The following COP1 variants were observed in gnomAD, a reference collection of about 807,000 sequenced individuals.
COP1 encodes COP1 E3 ubiquitin ligase.
A neutral mutation model predicts 101.3 loss-of-function variants in COP1; 24 were observed. That is an observed-to-expected ratio of 0.24 (90% confidence interval 0.17 to 0.33). COP1 has a LOEUF of 0.33. COP1 is among the 10% of genes least tolerant of loss of function. The pLI, the probability that COP1 is intolerant of heterozygous loss-of-function variation, is 1.00. For synonymous variants in COP1, 347 were observed against 341.9 expected, an observed-to-expected ratio of 1.01 and a Z score of -0.17; for missense variants, 663 against 906.2, an observed-to-expected ratio of 0.73 and a Z score of 3.45.
intron 5 of COP1, 47 bp downstream of exon 5, chr1:176,162,822 A>G (rs780968575): frequency 3.9e-6 from 6 of 1,529,174 alleles, no homozygotes; most frequent in African/African-American, 1.4e-5. Flanking sequence ...TTTTATTGCA[A>G]TAAAGTTCAT....
At chr1:175,968,211 G>A (rs1388339622) in intron 18 of COP1, among the ~76,000 whole-genome samples, 1 of 152,178 alleles carries the variant, frequency 6.6e-6, no homozygotes, top group Non-Finnish European at 1.5e-5. Flanking sequence ...CTTCCTGGTT[G>A]TAGGTTCCTT....
intron 11 of COP1, among the ~76,000 whole-genome samples, chr1:176,061,297 G>A: frequency 6.6e-6 from 1 of 152,234 alleles, no homozygotes; most frequent in Non-Finnish European, 1.5e-5. Context: ...ATCAAATGAT[G>A]CTAGGAACAA....
At position 176,081,512 on chromosome 1, in the gene COP1, C is replaced by T. The variant is rs541433121; in HGVS notation, c.1142-225G>A. 6.6e-4 allele frequency among the ~76,000 whole-genome samples: 101 copies of T among 151,914 alleles called. 3 individuals carry two copies. Among genetic ancestry groups the T allele is most frequent in the African/African-American group, 2.4e-3 (100 of 41,462 alleles). ...TGTCTCTTTCCACTGTGAATTCTCA[C>T]TTTTTTGGCAATAATTCCTTGGAAA... On this transcript the variant is annotated intron_variant, in intron 10 of 19. Transcript: ENST00000367669.
intron 9 of COP1, 109 bp from the exon 10 acceptor site, chr1:176,085,999 G>A: frequency 1.9e-6 from 1 of 531,046 alleles, no homozygotes. Context: ...ACAGTAAAAT[G>A]ATCACAAATA....
intron 3 of COP1, among the ~76,000 whole-genome samples, chr1:176,166,126 T>A (rs184913245): frequency 5.3e-5 from 8 of 150,164 alleles, no homozygotes; most frequent in Non-Finnish European, 8.8e-5. Context: ...TATTTATTTA[T>A]TTTATTTATT....
chr1:175,951,581 T>A (rs73035644), intron 18 of COP1, among the ~76,000 whole-genome samples: 8,042 of 151,712 alleles, frequency 0.053, 466 homozygotes, highest in South Asian at 0.14. Context: ...AGTACAGGAC[T>A]GTGATCTTTG....
chr1:175,953,764 TA>T (rs58137281), intron 18 of COP1, among the ~76,000 whole-genome samples: 41,685 of 125,018 alleles, frequency 0.33, 6,259 homozygotes, highest in East Asian at 0.53. Flanking sequence ...GGTCAACTTA[TA>T]AAAAAAAAAA....
intron 3 of COP1, among the ~76,000 whole-genome samples, 164 bp from the exon 4 acceptor site, chr1:176,164,055 A>AT (rs1160258435): frequency 1.3e-5 from 2 of 152,228 alleles, no homozygotes; most frequent in Non-Finnish European, 2.9e-5. Context: ...TCAAGTTAGA[A>AT]AACAGTTTTG....
chr1:176,002,459 C>T (rs1455552037), intron 15 of COP1, among the ~76,000 whole-genome samples: 1 of 151,654 alleles, frequency 6.6e-6, no homozygotes. Flanking sequence ...CACCCACTAA[C>T]TCGTCACCTA....
chr1:175,985,235 C>T (rs947344464), intron 18 of COP1, among the ~76,000 whole-genome samples: 3 of 152,166 alleles, frequency 2.0e-5, no homozygotes, highest in Non-Finnish European at 4.4e-5. Flanking sequence ...TTTAGAGCTG[C>T]TGTGACTGTT....
chr1:176,028,248 T>G (rs1668018163), intron 14 of COP1, among the ~76,000 whole-genome samples: 1 of 151,968 alleles, frequency 6.6e-6, no homozygotes, highest in Non-Finnish European at 1.5e-5. Context: ...CCAAGAGAGC[T>G]TAGTTTCAAT....
chr1:175,992,606 G>A (rs917339251), intron 15 of COP1, among the ~76,000 whole-genome samples: 13 of 152,226 alleles, frequency 8.5e-5, no homozygotes, highest in Non-Finnish European at 1.9e-4. Flanking sequence ...CCCGCACCTG[G>A]CTCGGAGGGT....
chr1:176,054,309 G>A (rs185429002), intron 11 of COP1, among the ~76,000 whole-genome samples: 1 of 151,836 alleles, frequency 6.6e-6, no homozygotes, highest in African/African-American at 2.4e-5. Flanking sequence ...TTACAGGCGT[G>A]CACCACCATG....
intron 15 of COP1, among the ~76,000 whole-genome samples, chr1:176,020,329 A>C (rs1024132803): frequency 4.6e-5 from 7 of 151,704 alleles, no homozygotes; most frequent in Non-Finnish European, 7.4e-5. Flanking sequence ...AAAAAAAAAA[A>C]AACCTTCATA....
chr1:176,058,457 C>A (rs977006611), intron 11 of COP1, among the ~76,000 whole-genome samples: 1 of 152,150 alleles, frequency 6.6e-6, no homozygotes, highest in African/African-American at 2.4e-5. Flanking sequence ...TGTGACCTTA[C>A]CCCCAACCCT....
chr1:176,184,606 T>C, intron 2 of COP1, 27 bp downstream of exon 2: 1 of 1,541,554 alleles, frequency 6.5e-7, no homozygotes, highest in Non-Finnish European at 8.9e-7. Flanking sequence ...TGTTAAAAGA[T>C]TATTTTACTC....
chr1:176,105,501 T>C (rs1047638472), intron 9 of COP1, among the ~76,000 whole-genome samples: 1 of 152,216 alleles, frequency 6.6e-6, no homozygotes, highest in Non-Finnish European at 1.5e-5. Flanking sequence ...AACTTTTGTA[T>C]ATATATTCTA....
chr1:176,117,355 C>A (rs1201343024), intron 8 of COP1, among the ~76,000 whole-genome samples: 1 of 152,102 alleles, frequency 6.6e-6, no homozygotes, highest in African/African-American at 2.4e-5. Flanking sequence ...TCCATTGGTT[C>A]TTTTTATTTG....
chr1:176,009,828 A>G (rs1664290769), intron 15 of COP1, among the ~76,000 whole-genome samples: 1 of 137,930 alleles, frequency 7.3e-6, no homozygotes, highest in Non-Finnish European at 1.5e-5. Flanking sequence ...TTACATTTTT[A>G]TATATATTGT....
Sources: gnomAD v4.1 joint callset for allele counts (sites outside exome capture counted in the v4.1 genomes callset) on GRCh38, gnomAD v4.1.1 for gene constraint, MANE v1.5 for transcripts, NCBI Gene and HGNC (gene_info 2026-07-23, HGNC 2026-07-21) for gene names.